KCNMB2: variants seen among roughly 807,000 people sequenced by gnomAD.
KCNMB2 encodes the protein potassium calcium-activated channel subfamily M regulatory beta subunit 2.
In KCNMB2, 9 loss-of-function variants were observed where a neutral mutation model predicts 24.5. The ratio of observed to expected loss-of-function variants is 0.37; its 90% confidence interval spans 0.22 to 0.64. The LOEUF (loss-of-function observed/expected upper bound fraction) is 0.64, where lower values mean the gene tolerates loss of function less well. KCNMB2 is among the 30% of genes least tolerant of loss of function. The pLI is 0.63. For synonymous variants in KCNMB2, 109 were observed against 104.4 expected (o/e 1.04, Z -0.27); for missense variants, 226 against 284.3 (o/e 0.79, Z 1.47).
intron 1 of KCNMB2, among the ~76,000 whole-genome samples, chr3:178,739,247 T>C (rs1185842430): frequency 6.6e-6 from 1 of 152,092 alleles, no homozygotes; most frequent in African/African-American, 2.4e-5. Flanking sequence ...TCCGCATCTA[T>C]AAAACTAGAA....
chr3:178,539,324 GA>G (rs1179159806), intron 1 of KCNMB2, among the ~76,000 whole-genome samples: 2 of 152,036 alleles, frequency 1.3e-5, no homozygotes, highest in Non-Finnish European at 2.9e-5. Context: ...ATGTGTGTAT[GA>G]AAAAAACTAG....
intron 1 of KCNMB2, among the ~76,000 whole-genome samples, chr3:178,714,806 G>T (rs1722566173): frequency 6.8e-6 from 1 of 147,864 alleles, no homozygotes; most frequent in African/African-American, 2.4e-5. Flanking sequence ...TGCCCTTGAG[G>T]CTGGGCCCAC....
chr3:178,688,987 A>G (rs1423985246), intron 1 of KCNMB2, among the ~76,000 whole-genome samples: 1 of 152,206 alleles, frequency 6.6e-6, no homozygotes, highest in Non-Finnish European at 1.5e-5. Flanking sequence ...TATAAGAAAT[A>G]GAGAAAAGAG....
chr3:178,630,968 C>T (rs1053544547), intron 1 of KCNMB2, among the ~76,000 whole-genome samples: 2 of 152,086 alleles, frequency 1.3e-5, no homozygotes, highest in Non-Finnish European at 2.9e-5. Context: ...ATGTGAAGCA[C>T]CTTATTTTTC....
At chr3:178,763,116 A>T (rs1711975689) in intron 1 of KCNMB2, among the ~76,000 whole-genome samples, 1 of 152,210 alleles carries the variant, frequency 6.6e-6, no homozygotes, top group South Asian at 2.1e-4. Flanking sequence ...GCAAGCTATC[A>T]GTTAACAAAC....
intron 1 of KCNMB2, among the ~76,000 whole-genome samples, chr3:178,753,748 A>G (rs903920389): frequency 6.6e-6 from 1 of 152,182 alleles, no homozygotes; most frequent in Non-Finnish European, 1.5e-5. Flanking sequence ...AGCAAAATCA[A>G]GCTAATTAAC....
chr3:178,689,562 G>A (rs1423744205), intron 1 of KCNMB2, among the ~76,000 whole-genome samples: 3 of 152,168 alleles, frequency 2.0e-5, no homozygotes, highest in Non-Finnish European at 4.4e-5. Context: ...CGTGAACCCA[G>A]GAGGAGGAGC....
At chr3:178,570,037 T>C (rs568283199) in intron 1 of KCNMB2, among the ~76,000 whole-genome samples, 1 of 152,326 alleles carries the variant, frequency 6.6e-6, no homozygotes, top group Admixed American at 6.5e-5. Context: ...AATGTAGCCA[T>C]GTCTGTTTTT....
chr3:178,541,870 C>T (rs541240555), intron 1 of KCNMB2, among the ~76,000 whole-genome samples: 114 of 152,298 alleles, frequency 7.5e-4, no homozygotes, highest in African/African-American at 2.6e-3. Context: ...TTACCTACTA[C>T]ACCCTGACTC....
Position 178,699,563 on chromosome 3 carries a change from G to A in KCNMB2, c.-67-107780G>A, listed in dbSNP as rs576896583. 4.6e-5 allele frequency among the ~76,000 whole-genome samples: 7 copies of A among 152,214 alleles called. No homozygotes were observed. In the South Asian group the frequency reaches 1.0e-3, roughly 23 times the overall value. On this transcript the variant is annotated intron_variant, in intron 1 of 4. Transcript: ENST00000452583. Reference sequence around the variant, plus strand: ...ACAGAAGCTATGGTGTGGGCCCCCCGGGCACCCAAAACTGCTCTGTAAGCT... The same window carrying A: ...ACAGAAGCTATGGTGTGGGCCCCCCAGGCACCCAAAACTGCTCTGTAAGCT...
chr3:178,742,719 G>A (rs560825675), intron 1 of KCNMB2, among the ~76,000 whole-genome samples: 3 of 152,244 alleles, frequency 2.0e-5, no homozygotes, highest in East Asian at 3.9e-4. Flanking sequence ...GCAGAAAAAC[G>A]TACCTGTAGT....
At chr3:178,585,363 T>G (rs1369056256) in intron 1 of KCNMB2, among the ~76,000 whole-genome samples, 2 of 152,212 alleles carry the variant, frequency 1.3e-5, no homozygotes, top group Non-Finnish European at 2.9e-5. Flanking sequence ...GCCAATAGGC[T>G]TCATTTAAGT....
At chr3:178,772,282 ATT>A (rs1257621055) in intron 1 of KCNMB2, among the ~76,000 whole-genome samples, 1 of 152,116 alleles carries the variant, frequency 6.6e-6, no homozygotes, top group African/African-American at 2.4e-5. Flanking sequence ...CTATAATTTC[ATT>A]TTGTTTAACT....
chr3:178,567,236 AGTGT>A (rs144913151), intron 1 of KCNMB2, among the ~76,000 whole-genome samples: 7 of 151,846 alleles, frequency 4.6e-5, no homozygotes, highest in Admixed American at 4.6e-4. Flanking sequence ...AGCGTGTGAG[AGTGT>A]GTGTGTGTGT....
chr3:178,706,079 C>G (rs906184490), intron 1 of KCNMB2, among the ~76,000 whole-genome samples: 11 of 151,980 alleles, frequency 7.2e-5, no homozygotes, highest in African/African-American at 2.7e-4. Flanking sequence ...GTCAGTTGCC[C>G]AAGGCTGAAC....
At chr3:178,832,550 C>T (rs1445523397) in intron 4 of KCNMB2, among the ~76,000 whole-genome samples, 1 of 81,012 alleles carries the variant, frequency 1.2e-5, no homozygotes, top group Non-Finnish European at 2.3e-5. Flanking sequence ...ACCTCTGGGA[C>T]TCCAGTTGGC....
At chr3:178,812,150 T>G (rs984785930) in intron 2 of KCNMB2, among the ~76,000 whole-genome samples, 1 of 152,190 alleles carries the variant, frequency 6.6e-6, no homozygotes, top group Non-Finnish European at 1.5e-5. Flanking sequence ...TTATCTGCTA[T>G]ATGTATGTAA....
At chr3:178,749,885 T>C (rs1723787716) in intron 1 of KCNMB2, among the ~76,000 whole-genome samples, 1 of 152,216 alleles carries the variant, frequency 6.6e-6, no homozygotes, top group Non-Finnish European at 1.5e-5. Flanking sequence ...GCTGATTTAA[T>C]TTACCACTCA....
chr3:178,753,080 C>G (rs189455937), intron 1 of KCNMB2, among the ~76,000 whole-genome samples: 2 of 152,296 alleles, frequency 1.3e-5, no homozygotes, highest in African/African-American at 4.8e-5. Flanking sequence ...GGTGCTTGCT[C>G]TCTGCATGTT....
Sources: allele counts gnomAD v4.1 joint callset (sites outside exome capture counted in the v4.1 genomes callset), GRCh38; gene constraint gnomAD v4.1.1; transcripts MANE v1.5; gene names NCBI Gene and HGNC (gene_info 2026-07-23, HGNC 2026-07-21).